SORCS1: variants seen among roughly 807,000 people sequenced by gnomAD.
SORCS1 encodes VPS10 domain-containing receptor SorCS1.
Under a neutral mutation model 146.1 loss-of-function variants are expected in SORCS1, and 60 were observed. That is an observed-to-expected ratio of 0.41 (90% CI 0.33 to 0.51). SORCS1 has a LOEUF of 0.51. Among genes scored for constraint, SORCS1 ranks in the 20% least tolerant of loss-of-function variants. SORCS1 has a pLI of 0.21. For missense variants in SORCS1, 1,352 were observed against 1,487.6 expected (o/e 0.91, Z 1.50); for synonymous variants, 637 against 584.0 (o/e 1.09, Z -1.31).
At chr10:106,657,118 G>A (rs991832197) in intron 17 of SORCS1, among the ~76,000 whole-genome samples, 4 of 152,152 alleles carry the variant, frequency 2.6e-5, no homozygotes, top group Non-Finnish European at 4.4e-5. Flanking sequence ...CTACCAAAAG[G>A]AAAAGAAGTC....
intron 1 of SORCS1, among the ~76,000 whole-genome samples, chr10:107,124,743 A>G (rs971155377): frequency 6.6e-6 from 1 of 152,118 alleles, no homozygotes; most frequent in African/African-American, 2.4e-5. Flanking sequence ...AACAAAACGA[A>G]AAACAGAAAA....
At chr10:106,596,254 T>C (rs1006411238) in intron 24 of SORCS1, among the ~76,000 whole-genome samples, 1 of 152,216 alleles carries the variant, frequency 6.6e-6, no homozygotes, top group Non-Finnish European at 1.5e-5. Context: ...CTGCCATTGC[T>C]ACACCGAACT....
chr10:106,854,635 T>C (rs1949714613), intron 2 of SORCS1, among the ~76,000 whole-genome samples: 1 of 152,078 alleles, frequency 6.6e-6, no homozygotes, highest in Non-Finnish European at 1.5e-5. Flanking sequence ...TTTTTCACTC[T>C]TTTTAGTACT....
intron 5 of SORCS1, among the ~76,000 whole-genome samples, chr10:106,752,110 T>C (rs1004464964): frequency 6.6e-6 from 1 of 152,218 alleles, no homozygotes; most frequent in Non-Finnish European, 1.5e-5. Flanking sequence ...AGTTAGTTAA[T>C]AGTAAAGCTA....
At chr10:106,928,159 G>A (rs915682290) in intron 2 of SORCS1, among the ~76,000 whole-genome samples, 7 of 152,344 alleles carry the variant, frequency 4.6e-5, no homozygotes, top group East Asian at 1.9e-4. Flanking sequence ...AGCAGGCGGC[G>A]GCGCTCGTTG....
chr10:106,821,089 C>T (rs1433981134), intron 3 of SORCS1, among the ~76,000 whole-genome samples: 2 of 152,196 alleles, frequency 1.3e-5, no homozygotes, highest in Non-Finnish European at 2.9e-5. Flanking sequence ...ATTATGCTTA[C>T]TTGAAGAATG....
chr10:106,806,080 A>C (rs1947152840), intron 3 of SORCS1, among the ~76,000 whole-genome samples: 1 of 141,980 alleles, frequency 7.0e-6, no homozygotes, highest in Non-Finnish European at 1.5e-5. Context: ...AAAAGAAATC[A>C]TGGAGTAGGC....
At chr10:106,683,263 G>T (rs1463724773) in intron 10 of SORCS1, among the ~76,000 whole-genome samples, 1 of 152,064 alleles carries the variant, frequency 6.6e-6, no homozygotes, top group Non-Finnish European at 1.5e-5. Flanking sequence ...CATTATTATT[G>T]TTTACTTCAA....
At chr10:106,907,298 T>C (rs553637548) in intron 2 of SORCS1, among the ~76,000 whole-genome samples, 1 of 152,334 alleles carries the variant, frequency 6.6e-6, no homozygotes, top group East Asian at 1.9e-4. Context: ...ACCCATTAAA[T>C]ATTGTGACAT....
chr10:106,945,271 T>G (rs565101841), intron 2 of SORCS1, among the ~76,000 whole-genome samples: 1 of 152,114 alleles, frequency 6.6e-6, no homozygotes, highest in South Asian at 2.1e-4. Context: ...ATATGGAGGA[T>G]CTGGTCATGC....
intron 2 of SORCS1, among the ~76,000 whole-genome samples, chr10:106,854,196 T>C (rs1033329462): frequency 1.3e-5 from 2 of 152,248 alleles, no homozygotes; most frequent in African/African-American, 4.8e-5. Flanking sequence ...TTTATCATTA[T>C]GTAATGCCCC....
chr10:106,701,026 A>C (rs1854100559), intron 8 of SORCS1, among the ~76,000 whole-genome samples: 2 of 152,176 alleles, frequency 1.3e-5, no homozygotes, highest in South Asian at 4.1e-4. Flanking sequence ...AATCCACAGA[A>C]GCTCAAGTTC....
At chr10:106,932,429 T>C (rs1466008284) in intron 2 of SORCS1, among the ~76,000 whole-genome samples, 1 of 152,098 alleles carries the variant, frequency 6.6e-6, no homozygotes, top group Non-Finnish European at 1.5e-5. Context: ...AATCTTAAGT[T>C]GTTATTTAAC....
intron 23 of SORCS1, among the ~76,000 whole-genome samples, chr10:106,606,274 TACACACACACACACACACACACACACAC>T (rs6144077): frequency 1.0e-4 from 14 of 138,954 alleles, no homozygotes; most frequent in South Asian, 4.6e-4. Context: ...CACACAGATA[TACACACACACACACACACACACACACAC>T]ACACACACAC....
chr10:106,680,847 C>A (rs1286662635), intron 10 of SORCS1, among the ~76,000 whole-genome samples: 1 of 151,994 alleles, frequency 6.6e-6, no homozygotes, highest in East Asian at 1.9e-4. Flanking sequence ...CATTCAGACA[C>A]CTACAGATAC....
chr10:106,595,064 C>G (rs575361510), intron 24 of SORCS1, among the ~76,000 whole-genome samples: 2 of 152,156 alleles, frequency 1.3e-5, no homozygotes, highest in South Asian at 4.1e-4. Flanking sequence ...TGTGACTCTG[C>G]CATGTGCTAC....
intron 1 of SORCS1, among the ~76,000 whole-genome samples, chr10:107,149,088 G>A (rs1968560271): frequency 6.6e-6 from 1 of 152,162 alleles, no homozygotes; most frequent in Non-Finnish European, 1.5e-5. Context: ...AGACCACGAA[G>A]GTATCTCTTC....
intron 2 of SORCS1, among the ~76,000 whole-genome samples, chr10:106,951,485 C>T (rs1357010935): frequency 7.0e-6 from 1 of 143,838 alleles, no homozygotes; most frequent in Non-Finnish European, 1.5e-5. Context: ...GCACTCCAGC[C>T]TGGGTGACAG....
intron 1 of SORCS1, among the ~76,000 whole-genome samples, chr10:107,012,007 T>A (rs909929096): frequency 2.6e-5 from 4 of 152,228 alleles, no homozygotes; most frequent in Non-Finnish European, 5.9e-5. Flanking sequence ...ATCATTTTTT[T>A]AGTAATTTTT....
Sources: gnomAD v4.1 joint callset for allele counts (sites outside exome capture counted in the v4.1 genomes callset) on GRCh38, gnomAD v4.1.1 for gene constraint, MANE v1.5 for transcripts, NCBI Gene and HGNC (gene_info 2026-07-23, HGNC 2026-07-21) for gene names.